Variants in NRG3 observed in about 807,000 individuals in gnomAD.
NRG3 encodes neuregulin 3, also known as pro-neuregulin-3, membrane-bound isoform.
In NRG3, 31 loss-of-function variants were observed where a neutral mutation model predicts 66.9. The ratio of observed to expected loss-of-function variants is 0.46; its 90% CI spans 0.35 to 0.63. NRG3 has a LOEUF of 0.63. NRG3 is among the 20% of genes least tolerant of loss of function. The pLI is 0.00. For synonymous variants in NRG3, 393 were observed against 359.4 expected, an observed-to-expected ratio of 1.09 and a Z score of -1.06; for missense variants, 910 against 878.9, an observed-to-expected ratio of 1.04 and a Z score of -0.45.
chr10:82,598,079 C>T, intron 2 of NRG3, among the ~76,000 whole-genome samples: 1 of 152,118 alleles, frequency 6.6e-6, no homozygotes, highest in East Asian at 1.9e-4. Context: ...TGGTCTGAGT[C>T]ATTGTGATTA....
chr10:82,793,663 CT>C (rs774423536), intron 3 of NRG3, among the ~76,000 whole-genome samples: 50 of 152,176 alleles, frequency 3.3e-4, no homozygotes, highest in Non-Finnish European at 6.6e-4. Context: ...TCTCACTAAT[CT>C]TTAATGTCTG....
chr10:82,415,096 T>G (rs905642711), intron 2 of NRG3, among the ~76,000 whole-genome samples: 11 of 152,180 alleles, frequency 7.2e-5, no homozygotes, highest in Admixed American at 6.5e-4. Context: ...GACATTAAAA[T>G]TAACCATTCC....
intron 1 of NRG3, among the ~76,000 whole-genome samples, chr10:82,303,760 C>G (rs191245903): frequency 1.3e-5 from 2 of 151,874 alleles, no homozygotes; most frequent in Admixed American, 1.3e-4. Context: ...CCCAGCTACT[C>G]GGGAGGCTGA....
At chr10:82,018,898 T>G (rs940976704) in intron 1 of NRG3, among the ~76,000 whole-genome samples, 2 of 152,140 alleles carry the variant, frequency 1.3e-5, no homozygotes, top group African/African-American at 2.4e-5. Context: ...CAATTTGACT[T>G]CCTCTTTTCC....
chr10:82,979,951 C>A (rs1031206372), intron 8 of NRG3, among the ~76,000 whole-genome samples: 2 of 152,144 alleles, frequency 1.3e-5, no homozygotes, highest in African/African-American at 4.8e-5. Context: ...CACCCATAGT[C>A]CCAGCACTTT....
At chr10:82,158,694 G>A (rs928190011) in intron 1 of NRG3, among the ~76,000 whole-genome samples, 1 of 151,648 alleles carries the variant, frequency 6.6e-6, no homozygotes, top group African/African-American at 2.4e-5. Context: ...CATTCCTTTG[G>A]GCTTATGTAC....
intron 2 of NRG3, among the ~76,000 whole-genome samples, chr10:82,714,909 T>A (rs1473501583): frequency 6.6e-6 from 1 of 152,218 alleles, no homozygotes; most frequent in African/African-American, 2.4e-5. Context: ...TTATATTATT[T>A]CTGTGTATTC....
intron 1 of NRG3, among the ~76,000 whole-genome samples, chr10:82,246,730 T>C (rs961423482): frequency 3.9e-5 from 6 of 152,194 alleles, no homozygotes; most frequent in Admixed American, 3.9e-4. Flanking sequence ...CATGTTTTGC[T>C]TTTACTCAAA....
chr10:81,946,533 G>T (rs1487315724), intron 1 of NRG3, among the ~76,000 whole-genome samples: 1 of 152,100 alleles, frequency 6.6e-6, no homozygotes, highest in Admixed American at 6.6e-5. Context: ...AAGTATTTCT[G>T]CAGGGAAGGA....
intron 2 of NRG3, among the ~76,000 whole-genome samples, chr10:82,693,422 A>G (rs1011151528): frequency 1.3e-5 from 2 of 152,154 alleles, no homozygotes; most frequent in African/African-American, 4.8e-5. Flanking sequence ...TATTTTAAAT[A>G]TGTCATAATT....
At chr10:82,226,260 C>T (rs971423862) in intron 1 of NRG3, among the ~76,000 whole-genome samples, 14 of 152,144 alleles carry the variant, frequency 9.2e-5, no homozygotes, top group African/African-American at 3.4e-4. Context: ...ATGACTTATT[C>T]ATTTGTACAT....
chr10:82,180,995 T>C (rs370098283), intron 1 of NRG3, among the ~76,000 whole-genome samples: 1 of 151,854 alleles, frequency 6.6e-6, no homozygotes, highest in African/African-American at 2.4e-5. Flanking sequence ...CTTTCTAATT[T>C]AGTCTTGGTA....
At chr10:82,706,510 G>T (rs926697678) in intron 2 of NRG3, among the ~76,000 whole-genome samples, 1 of 152,004 alleles carries the variant, frequency 6.6e-6, no homozygotes, top group African/African-American at 2.4e-5. Context: ...TAAATCTTGT[G>T]AGTCTCCATC....
chr10:82,846,696 A>G (rs2063324249), intron 3 of NRG3, among the ~76,000 whole-genome samples: 1 of 152,210 alleles, frequency 6.6e-6, no homozygotes. Context: ...AATTGTAAGC[A>G]TTGCATATAA....
At chr10:82,789,950 T>G (rs1468537845) in intron 3 of NRG3, among the ~76,000 whole-genome samples, 6 of 152,134 alleles carry the variant, frequency 3.9e-5, no homozygotes, top group Admixed American at 2.6e-4. Flanking sequence ...AATCTAGGAT[T>G]GATAACAACT....
chr10:82,039,851 C>A (rs1293703801), intron 1 of NRG3, among the ~76,000 whole-genome samples: 3 of 152,146 alleles, frequency 2.0e-5, no homozygotes, highest in African/African-American at 7.2e-5. Context: ...CCCAGGTCAC[C>A]TCTTCAATCC....
intron 3 of NRG3, among the ~76,000 whole-genome samples, chr10:82,800,269 C>T (rs545765391): frequency 7.0e-4 from 106 of 152,254 alleles, no homozygotes; most frequent in African/African-American, 2.2e-3. Context: ...TACTTTTCTG[C>T]GGAAGGTGAG....
intron 1 of NRG3, among the ~76,000 whole-genome samples, chr10:81,888,906 A>G (rs1842813216): frequency 6.6e-6 from 1 of 152,188 alleles, no homozygotes; most frequent in Non-Finnish European, 1.5e-5. Context: ...CTCTAAGGCT[A>G]ACTTGTTCCA....
chr10:81,952,509 G>T (rs1849465711), intron 1 of NRG3, among the ~76,000 whole-genome samples: 1 of 151,996 alleles, frequency 6.6e-6, no homozygotes, highest in Non-Finnish European at 1.5e-5. Flanking sequence ...AAGAAAACAG[G>T]CATCTCCCTG....
Sources: gnomAD v4.1 joint callset for allele counts (sites outside exome capture counted in the v4.1 genomes callset) on GRCh38, gnomAD v4.1.1 for gene constraint, MANE v1.5 for transcripts, NCBI Gene and HGNC (gene_info 2026-07-23, HGNC 2026-07-21) for gene names.